ZHX2: variants seen among roughly 807,000 people sequenced by gnomAD.
ZHX2 encodes zinc fingers and homeoboxes 2, also known as zinc fingers and homeoboxes protein 2.
A neutral mutation model predicts 21.9 loss-of-function variants in ZHX2; 6 were observed. The observed-to-expected ratio is 0.27, with a 90% confidence interval of 0.15 to 0.54. The LOEUF (loss-of-function observed/expected upper bound fraction) is 0.54. ZHX2 is among the 20% of genes least tolerant of loss of function. The pLI, the probability that ZHX2 is intolerant of heterozygous loss-of-function variation, is 0.95. For synonymous variants in ZHX2, 434 were observed against 437.1 expected (o/e 0.99, Z 0.09); for missense variants, 908 against 1,090.7 (o/e 0.83, Z 2.36).
chr8:122,894,656 G>A (rs879651775), intron 2 of ZHX2, among the ~76,000 whole-genome samples: 8 of 152,112 alleles, frequency 5.3e-5, no homozygotes, highest in Non-Finnish European at 1.2e-4. Context: ...TGGGGTGCGG[G>A]GAGCGGGGAG....
chr8:122,871,377 A>G (rs1326985718), intron 2 of ZHX2, among the ~76,000 whole-genome samples: 1 of 151,870 alleles, frequency 6.6e-6, no homozygotes, highest in Non-Finnish European at 1.5e-5. Context: ...TGTCCTTTGT[A>G]GGGACATGGA....
chr8:122,826,805 G>C (rs754919228), intron 1 of ZHX2, among the ~76,000 whole-genome samples: 1 of 151,764 alleles, frequency 6.6e-6, no homozygotes, highest in Non-Finnish European at 1.5e-5. Context: ...CAGAGAGACT[G>C]TTACATGTGC....
intron 2 of ZHX2, among the ~76,000 whole-genome samples, chr8:122,875,129 TTA>T (rs71310631): frequency 2.9e-4 from 3 of 10,244 alleles, no homozygotes; most frequent in African/African-American, 3.6e-4. Context: ...GAAAACTCTG[TTA>T]TATATATATA....
At chr8:122,944,252 C>T (rs1434840435) in intron 2 of ZHX2, among the ~76,000 whole-genome samples, 1 of 152,200 alleles carries the variant, frequency 6.6e-6, no homozygotes, top group Non-Finnish European at 1.5e-5. Flanking sequence ...TTTACCCTCT[C>T]TGGTCTTGGT....
chr8:122,909,610 C>A (rs533786171), intron 2 of ZHX2, among the ~76,000 whole-genome samples: 7 of 152,220 alleles, frequency 4.6e-5, no homozygotes, highest in African/African-American at 1.4e-4. Flanking sequence ...TCCTCTCCCC[C>A]CCACAACCTG....
At chr8:122,956,126 T>C (rs1234029376) in intron 3 of ZHX2, among the ~76,000 whole-genome samples, 3 of 152,138 alleles carry the variant, frequency 2.0e-5, no homozygotes, top group Non-Finnish European at 2.9e-5. Context: ...ATTACAGGCG[T>C]GAGCCACCAC....
intron 3 of ZHX2, among the ~76,000 whole-genome samples, chr8:122,963,535 T>C (rs1319150388): frequency 6.6e-6 from 1 of 152,228 alleles, no homozygotes; most frequent in Non-Finnish European, 1.5e-5. Flanking sequence ...CCTTGTAATA[T>C]AGTTTGAAGT....
At chr8:122,835,987 CA>C (rs2130693062) in intron 1 of ZHX2, among the ~76,000 whole-genome samples, 1 of 152,096 alleles carries the variant, frequency 6.6e-6, no homozygotes, top group Admixed American at 6.5e-5. Flanking sequence ...TTTTATGAGG[CA>C]GCCTAGAGGG....
intron 1 of ZHX2, among the ~76,000 whole-genome samples, chr8:122,848,256 A>T (rs557979719): frequency 6.6e-5 from 10 of 152,258 alleles, no homozygotes; most frequent in Admixed American, 6.5e-4. Context: ...TCTCCGAACC[A>T]GAGACGGTCT....
intron 1 of ZHX2, among the ~76,000 whole-genome samples, chr8:122,794,220 C>T (rs114650734): frequency 0.012 from 1,786 of 151,516 alleles, 34 homozygotes; most frequent in African/African-American, 0.04. Flanking sequence ...TCATGTTGGT[C>T]CTAACTGCAC....
At chr8:122,915,348 C>A (rs897020601) in intron 2 of ZHX2, among the ~76,000 whole-genome samples, 1 of 152,224 alleles carries the variant, frequency 6.6e-6, no homozygotes, top group African/African-American at 2.4e-5. Flanking sequence ...TTATCCCATC[C>A]TGCAGCTGCT....
chr8:122,907,473 GC>G (rs1250256878), intron 2 of ZHX2, among the ~76,000 whole-genome samples: 1 of 152,192 alleles, frequency 6.6e-6, no homozygotes, highest in Non-Finnish European at 1.5e-5. Context: ...ATCTCAGTGA[GC>G]GGAGGGGTGA....
chr8:122,929,237 G>C (rs1820925400), intron 2 of ZHX2, among the ~76,000 whole-genome samples: 1 of 152,098 alleles, frequency 6.6e-6, no homozygotes, highest in African/African-American at 2.4e-5. Context: ...ATCAGCCAGA[G>C]CTCCTTGATC....
rs139142976 is a variant in ZHX2, at chr8:122,830,922, G to A, written c.-282-32555G>A. Among the ~76,000 whole-genome samples, 670 of 152,292 alleles carry A rather than the reference G, an allele frequency of 4.4e-3. 3 individuals are homozygous for A. Among genetic ancestry groups the A allele is most frequent in the Non-Finnish European group, 7.0e-3 (473 of 68,030 alleles). On this transcript the variant is annotated intron_variant, in intron 1 of 3. Coordinates refer to ENST00000314393, the MANE Select transcript of ZHX2 (RefSeq NM_014943.5). ...GTTTCTAGAGCCAGCTTGGTGAGTTGGGCTTTAAGGACAGGGTTAATTTTT... is the reference window on the plus strand; with the variant it reads ...GTTTCTAGAGCCAGCTTGGTGAGTTAGGCTTTAAGGACAGGGTTAATTTTT...
In ZHX2 at chr8:122,799,384, C is replaced by T. The variant is rs576314341; in HGVS notation, c.-283+17438C>T. Reference sequence around the variant, plus strand: ...CTGGGCTAACACCCTTTGTTTTTGGCTTGTGCGCCACAATTTTTTTTTTTG... The same window carrying T: ...CTGGGCTAACACCCTTTGTTTTTGGTTTGTGCGCCACAATTTTTTTTTTTG... On this transcript the variant is annotated intron_variant, in intron 1 of 3. Transcript: ENST00000314393. Among the ~76,000 whole-genome samples the T allele has an allele frequency of 7.5e-5, 11 of 146,494 alleles. No individual in the cohort carries two copies. The East Asian group carries it at 2.2e-3, about 29-fold the overall frequency.
In ZHX2 at chr8:122,951,782, A is replaced by G; in HGVS notation, c.272A>G (p.Asn91Ser). The change falls in exon 3 of 4, where the codon AAC becomes AGC. Residue 91 changes from asparagine (N) to serine (S), a missense_variant. Around this residue, in one of 4 missense-constraint regions of ZHX2, gnomAD observed 220 missense variants for 251.4 expected, o/e 0.88. Coordinates refer to ENST00000314393, the MANE Select transcript of ZHX2 (RefSeq NM_014943.5). ...KYCPYSTQNL[N>S]EFTEHVDMQH... The stretch of plus-strand genomic sequence containing the variant: ...TGCCCCTACTCCACGCAAAACCTGA[A>G]CGAGTTCACGGAGCATGTCGACATG... The G allele has an allele frequency of 3.1e-6, 5 of 1,614,122 alleles. No individual in the cohort carries two copies. The South Asian group carries it at 5.5e-5, about 18-fold the overall frequency.
intron 3 of ZHX2, among the ~76,000 whole-genome samples, chr8:122,954,916 C>G (rs1813255233): frequency 1.3e-5 from 2 of 151,770 alleles, no homozygotes; most frequent in African/African-American, 4.8e-5. Context: ...AATCAAAGAC[C>G]TGAGCTTATT....
At chr8:122,822,167 A>T (rs1224457000) in intron 1 of ZHX2, among the ~76,000 whole-genome samples, 1 of 152,212 alleles carries the variant, frequency 6.6e-6, no homozygotes, top group Non-Finnish European at 1.5e-5. Flanking sequence ...AATGAATTTC[A>T]TGCCTTAAAA....
intron 2 of ZHX2, among the ~76,000 whole-genome samples, chr8:122,906,835 T>A (rs1285842176): frequency 6.6e-6 from 1 of 151,972 alleles, no homozygotes; most frequent in Non-Finnish European, 1.5e-5. Flanking sequence ...CACGCCCGGG[T>A]AATTTTTGTA....
Sources: allele counts gnomAD v4.1 joint callset (sites outside exome capture counted in the v4.1 genomes callset), GRCh38; gene constraint gnomAD v4.1.1; regional missense constraint gnomAD v4.1.1; transcripts MANE v1.5; gene names NCBI Gene and HGNC (gene_info 2026-07-23, HGNC 2026-07-21).